The following AOPEP variants were observed in gnomAD, a reference collection of about 807,000 sequenced individuals.
The protein encoded by AOPEP is aminopeptidase O (putative), also known as aminopeptidase O.
A neutral mutation model predicts 98.1 loss-of-function variants in AOPEP; 77 were observed. The ratio of observed to expected loss-of-function variants is 0.78; its 90% confidence interval spans 0.65 to 0.95. The LOEUF (loss-of-function observed/expected upper bound fraction) is 0.95. AOPEP is among the 40% of genes least tolerant of loss of function. The pLI is 0.00. For synonymous variants in AOPEP, 346 were observed against 365.3 expected, an observed-to-expected ratio of 0.95 and a Z score of 0.60; for missense variants, 1,024 against 1,024.7, an observed-to-expected ratio of 1.00 and a Z score of 0.01.
chr9:95,137,562 AAAG>A, the AOPEP span, among the ~76,000 whole-genome samples: 30 of 152,304 alleles, frequency 2.0e-4, no homozygotes, highest in South Asian at 6.0e-3. Context: ...CCTCAGATGA[AAAG>A]AAGAGAAGAA....
At chr9:95,057,284 T>TA (rs1329362481) in intron 13 of AOPEP, among the ~76,000 whole-genome samples, 3 of 152,256 alleles carry the variant, frequency 2.0e-5, no homozygotes, top group South Asian at 4.1e-4. Context: ...CAGCTGATCT[T>TA]AAAATAAATA....
At chr9:94,764,337 A>C (rs563054945) in intron 2 of AOPEP, among the ~76,000 whole-genome samples, 1 of 152,218 alleles carries the variant, frequency 6.6e-6, no homozygotes, top group Non-Finnish European at 1.5e-5. Flanking sequence ...CTGAGGAGAC[A>C]TGATGATTAA....
chr9:95,063,295 A>C (rs989006138), intron 14 of AOPEP, among the ~76,000 whole-genome samples: 1 of 152,232 alleles, frequency 6.6e-6, no homozygotes, highest in African/African-American at 2.4e-5. Flanking sequence ...CTGCCTTAGC[A>C]GGTCTCTTAA....
At chr9:95,054,689 A>G (rs1399403414) in intron 13 of AOPEP, among the ~76,000 whole-genome samples, 1 of 152,204 alleles carries the variant, frequency 6.6e-6, no homozygotes, top group Non-Finnish European at 1.5e-5. Flanking sequence ...ATCTTTTTGA[A>G]CTGTAACTAT....
chr9:94,800,370 G>T (rs982702061), intron 4 of AOPEP, among the ~76,000 whole-genome samples: 2 of 152,086 alleles, frequency 1.3e-5, no homozygotes, highest in Non-Finnish European at 2.9e-5. Flanking sequence ...GTTATGAATT[G>T]TCTCTAATTT....
chr9:94,809,718 A>C (rs537163502), intron 5 of AOPEP, among the ~76,000 whole-genome samples: 205 of 152,374 alleles, frequency 1.3e-3, no homozygotes, highest in African/African-American at 4.8e-3. Flanking sequence ...ATTTATTTAT[A>C]AGTTATATGC....
chr9:94,998,740 G>A (rs1203884685), intron 11 of AOPEP, among the ~76,000 whole-genome samples: 2 of 152,120 alleles, frequency 1.3e-5, no homozygotes, highest in Non-Finnish European at 2.9e-5. Context: ...TTGCATTCAC[G>A]AAATCTAGTG....
At chr9:94,811,376 A>ATGTG (rs1473584411) in intron 5 of AOPEP, among the ~76,000 whole-genome samples, 3 of 152,168 alleles carry the variant, frequency 2.0e-5, no homozygotes, top group African/African-American at 4.8e-5. Flanking sequence ...AGGTTAATGC[A>ATGTG]TGCATGGCAG....
intron 7 of AOPEP, chr9:94,932,707 C>T (rs1306026542): frequency 3.0e-6 from 2 of 677,358 alleles, no homozygotes; most frequent in Non-Finnish European, 1.8e-6. Flanking sequence ...TGGTCTCAAA[C>T]TCCTAACCTC....
intron 13 of AOPEP, among the ~76,000 whole-genome samples, chr9:95,014,592 C>T (rs2062831619): frequency 6.6e-6 from 1 of 152,170 alleles, no homozygotes; most frequent in Admixed American, 6.5e-5. Flanking sequence ...TATGTCCCGA[C>T]AGTAAATAAC....
At chr9:95,033,801 G>A (rs2064536474) in intron 13 of AOPEP, among the ~76,000 whole-genome samples, 1 of 152,120 alleles carries the variant, frequency 6.6e-6, no homozygotes, top group Non-Finnish European at 1.5e-5. Context: ...ATAGAAATAA[G>A]AGTATGAAAT....
chr9:94,794,243 G>T (rs1444428685), intron 4 of AOPEP, among the ~76,000 whole-genome samples: 5 of 152,208 alleles, frequency 3.3e-5, no homozygotes, highest in East Asian at 1.9e-4. Context: ...GGAGAAGGGG[G>T]ACGCTGAGAA....
intron 4 of AOPEP, among the ~76,000 whole-genome samples, chr9:94,799,155 G>T (rs987054716): frequency 6.6e-6 from 1 of 152,140 alleles, no homozygotes; most frequent in Non-Finnish European, 1.5e-5. Flanking sequence ...GTAAGTGAAA[G>T]GTACTTCTTA....
intron 11 of AOPEP, among the ~76,000 whole-genome samples, chr9:94,994,812 G>A (rs2061120413): frequency 6.6e-6 from 1 of 152,096 alleles, no homozygotes; most frequent in African/African-American, 2.4e-5. Flanking sequence ...TTAGCCGGGT[G>A]TGGTGGTGTA....
chr9:94,933,744 ATT>A, intron 7 of AOPEP: 1 of 821,604 alleles, frequency 1.2e-6, no homozygotes, highest in Non-Finnish European at 1.5e-6. Flanking sequence ...ATTTTTATTT[ATT>A]TTTTTTAATT....
intron 4 of AOPEP, among the ~76,000 whole-genome samples, chr9:94,798,298 T>C (rs1230859926): frequency 6.6e-6 from 1 of 152,220 alleles, no homozygotes; most frequent in Non-Finnish European, 1.5e-5. Flanking sequence ...ATTACAATGG[T>C]ACTAATTCAC....
chr9:94,833,400 G>A (rs1346709622), intron 5 of AOPEP, among the ~76,000 whole-genome samples: 1 of 151,770 alleles, frequency 6.6e-6, no homozygotes, highest in Non-Finnish European at 1.5e-5. Flanking sequence ...ACCACACTCA[G>A]CTAATTTTGT....
chr9:95,128,857 G>A, the AOPEP span, among the ~76,000 whole-genome samples: 3 of 152,044 alleles, frequency 2.0e-5, no homozygotes, highest in Admixed American at 1.3e-4. Context: ...CAGGAGGCAG[G>A]GGAACCTGCA....
At chr9:94,842,722 A>G (rs979294933) in intron 5 of AOPEP, among the ~76,000 whole-genome samples, 1 of 152,170 alleles carries the variant, frequency 6.6e-6, no homozygotes, top group African/African-American at 2.4e-5. Flanking sequence ...TTAGAGCAAG[A>G]TTTGTTGACA....
Sources: allele counts gnomAD v4.1 joint callset (sites outside exome capture counted in the v4.1 genomes callset), GRCh38; gene constraint gnomAD v4.1.1; transcripts MANE v1.5; gene names NCBI Gene and HGNC (gene_info 2026-07-23, HGNC 2026-07-21).